The following ENPP6 variants were observed in gnomAD, a reference collection of about 807,000 sequenced individuals.
ENPP6 encodes ectonucleotide pyrophosphatase/phosphodiesterase 6.
In ENPP6, 32 loss-of-function variants were observed where a neutral mutation model predicts 42.0. The observed-to-expected ratio is 0.76, with a 90% CI of 0.58 to 1.02. The LOEUF (loss-of-function observed/expected upper bound fraction) is 1.02, where lower values mean the gene tolerates loss of function less well. ENPP6 is among the 50% of genes least tolerant of loss of function. The probability of loss-of-function intolerance (pLI) is 0.00; values close to 1 mark genes in which losing one functional copy is unlikely to be tolerated. For missense variants in ENPP6, 552 were observed against 566.8 expected (o/e 0.97, Z 0.27); for synonymous variants, 213 against 216.0 (o/e 0.99, Z 0.12).
chr4:184,133,557 CT>C (rs549175178), intron 2 of ENPP6, among the ~76,000 whole-genome samples: 220 of 152,018 alleles, frequency 1.4e-3, no homozygotes, highest in African/African-American at 5.1e-3. Context: ...AGTTTTTTGC[CT>C]TTTTAATTGT....
chr4:184,210,504 T>C (rs1733090707), intron 1 of ENPP6, among the ~76,000 whole-genome samples: 2 of 135,750 alleles, frequency 1.5e-5, no homozygotes, highest in Admixed American at 7.6e-5. Flanking sequence ...CATTACATAA[T>C]GGTAAAGGGA....
chr4:184,195,449 A>C (rs530817070), intron 1 of ENPP6, among the ~76,000 whole-genome samples: 1 of 152,338 alleles, frequency 6.6e-6, no homozygotes, highest in South Asian at 2.1e-4. Context: ...GTCCCTGCAA[A>C]GGACATGATT....
At chr4:184,195,797 A>G (rs892887120) in intron 1 of ENPP6, among the ~76,000 whole-genome samples, 1 of 152,228 alleles carries the variant, frequency 6.6e-6, no homozygotes, top group Non-Finnish European at 1.5e-5. Flanking sequence ...TTTCTTATAC[A>G]CCCAAGTCTG....
intron 2 of ENPP6, among the ~76,000 whole-genome samples, chr4:184,148,796 A>C (rs1312735055): frequency 6.6e-6 from 1 of 152,224 alleles, no homozygotes; most frequent in Non-Finnish European, 1.5e-5. Flanking sequence ...TATTGCATTA[A>C]AAAACCAAAT....
At position 184,111,188 on chromosome 4, in the gene ENPP6, G is replaced by A. The variant is rs375104409; in HGVS notation, c.993+1484C>T. Reference sequence around the variant, plus strand: ...TCCCTACCACCCAGCCTCTCAGCACGGGTGACTTCAGCTAAAGACGACAGA... The same window carrying A: ...TCCCTACCACCCAGCCTCTCAGCACAGGTGACTTCAGCTAAAGACGACAGA... On this transcript the variant is annotated intron_variant, in intron 6 of 7. Coordinates refer to ENST00000296741, the MANE Select transcript of ENPP6 (RefSeq NM_153343.4). 5.3e-5 allele frequency among the ~76,000 whole-genome samples: 8 copies of A among 152,256 alleles called. No individual in the cohort carries two copies. In the East Asian group the frequency reaches 5.8e-4, roughly 11 times the overall value.
At chr4:184,109,506 T>A (rs886464987) in intron 6 of ENPP6, among the ~76,000 whole-genome samples, 3 of 152,144 alleles carry the variant, frequency 2.0e-5, no homozygotes, top group African/African-American at 7.2e-5. Context: ...GAAGATGAAT[T>A]TCGCAGCCCT....
At chr4:184,173,261 G>T (rs1439546715) in intron 1 of ENPP6, among the ~76,000 whole-genome samples, 1 of 152,132 alleles carries the variant, frequency 6.6e-6, no homozygotes, top group African/African-American at 2.4e-5. Flanking sequence ...TCCACTTCAA[G>T]AAGTCTAACA....
At chr4:184,096,156 C>T (rs1198465694) in intron 7 of ENPP6, among the ~76,000 whole-genome samples, 1 of 152,158 alleles carries the variant, frequency 6.6e-6, no homozygotes, top group Non-Finnish European at 1.5e-5. Flanking sequence ...ACGGAGGTTG[C>T]AGAAACTGAC....
At position 184,116,902 on chromosome 4, in the gene ENPP6, C is replaced by A; in HGVS notation, c.809G>T (p.Arg270Leu). The change falls in exon 5 of 8, where the codon CGC becomes CTC. Residue 270 changes from arginine (R) to leucine (L), a missense_variant. By Grantham distance (102) the Arg-to-Leu change is moderately radical. Coordinates refer to ENST00000296741, the MANE Select transcript of ENPP6 (RefSeq NM_153343.4). ...CGGCCAAAGGCTCACAACAGGCCCG[C>A]GGTCCTTCACTTGCTGCAGGTCATT... ...SLNDLQQVKD[R>L]GPVVSLWPAP... The A allele has an allele frequency of 6.2e-7, 1 of 1,614,174 alleles. No individual in the cohort carries two copies. The highest frequency in any genetic ancestry group is 2.2e-5 in the East Asian group (1 of 44,890).
rs545499989 is a variant in ENPP6, at chr4:184,193,233, C to G, written c.241+24346G>C. On this transcript the variant is annotated intron_variant, in intron 1 of 7. Coordinates refer to ENST00000296741, the MANE Select transcript of ENPP6 (RefSeq NM_153343.4). Reference sequence around the variant, plus strand: ...ACAATGGCCACAAAGTGGAAACAACCCAAATGTTCATCGATTGGTGAATGA... The same window carrying G: ...ACAATGGCCACAAAGTGGAAACAACGCAAATGTTCATCGATTGGTGAATGA... Among the ~76,000 whole-genome samples, 131 of 152,266 alleles carry G rather than the reference C, an allele frequency of 8.6e-4. 1 individual carries two copies. The highest frequency in any genetic ancestry group is 3.1e-3 in the African/African-American group (129 of 41,546).
rs553220572 is a variant in ENPP6, at chr4:184,108,334, A to G, written c.993+4338T>C. On this transcript the variant is annotated intron_variant, in intron 6 of 7. Coordinates refer to ENST00000296741, the MANE Select transcript of ENPP6 (RefSeq NM_153343.4). ...AAGTCTAAGCCAGCCCTGAAACGTCATCGCATGCACTGTGGATGGGTGTAT... is the reference window on the plus strand; with the variant it reads ...AAGTCTAAGCCAGCCCTGAAACGTCGTCGCATGCACTGTGGATGGGTGTAT... 2.0e-5 allele frequency among the ~76,000 whole-genome samples: 3 copies of G among 152,336 alleles called. No individual in the cohort carries two copies. In the South Asian group the frequency reaches 6.2e-4, roughly 32 times the overall value.
chr4:184,108,216 A>T (rs1298361890), intron 6 of ENPP6, among the ~76,000 whole-genome samples: 3 of 152,152 alleles, frequency 2.0e-5, no homozygotes, highest in Admixed American at 6.5e-5. Context: ...TTTCCTAATC[A>T]TGGCTAAACC....
intron 2 of ENPP6, among the ~76,000 whole-genome samples, chr4:184,147,410 C>T (rs1456054678): frequency 6.6e-6 from 1 of 152,194 alleles, no homozygotes; most frequent in Non-Finnish European, 1.5e-5. Flanking sequence ...CGGAGTAGTG[C>T]TTTCAAAATG....
intron 2 of ENPP6, among the ~76,000 whole-genome samples, chr4:184,127,515 G>A (rs981623477): frequency 1.3e-5 from 2 of 152,152 alleles, no homozygotes; most frequent in African/African-American, 4.8e-5. Context: ...GCAGAGGTGG[G>A]TCAGGCTGAA....
At chr4:184,201,563 T>G (rs544482645) in intron 1 of ENPP6, among the ~76,000 whole-genome samples, 1 of 152,302 alleles carries the variant, frequency 6.6e-6, no homozygotes, top group African/African-American at 2.4e-5. Flanking sequence ...CCCTTCTTCA[T>G]GGAGCAAGTT....
chr4:184,169,624 G>A (rs1002347313), intron 1 of ENPP6, among the ~76,000 whole-genome samples: 1 of 152,202 alleles, frequency 6.6e-6, no homozygotes, highest in Non-Finnish European at 1.5e-5. Context: ...CCTGGGCAGG[G>A]TCCTGGCTGT....
intron 2 of ENPP6, 40 bp downstream of exon 2, chr4:184,153,514 A>C (rs756196222): frequency 6.3e-7 from 1 of 1,580,896 alleles, no homozygotes; most frequent in Admixed American, 1.8e-5. Context: ...CAGAGACTCT[A>C]TGATGATTTG....
intron 1 of ENPP6, among the ~76,000 whole-genome samples, chr4:184,173,200 C>T (rs779138020): frequency 6.6e-6 from 1 of 152,104 alleles, no homozygotes; most frequent in Non-Finnish European, 1.5e-5. Context: ...CCACCGCGCC[C>T]GGCCTATCGA....
At chr4:184,189,909 G>A (rs928135704) in intron 1 of ENPP6, among the ~76,000 whole-genome samples, 5 of 152,226 alleles carry the variant, frequency 3.3e-5, no homozygotes, top group African/African-American at 1.2e-4. Flanking sequence ...GGGAACTCGT[G>A]TGAGGAGACA....
Sources: allele counts gnomAD v4.1 joint callset (sites outside exome capture counted in the v4.1 genomes callset), GRCh38; gene constraint gnomAD v4.1.1; transcripts MANE v1.5; gene names NCBI Gene and HGNC (gene_info 2026-07-23, HGNC 2026-07-21).